DYTN: variants seen among roughly 807,000 people sequenced by gnomAD.
DYTN encodes the protein dystrotelin.
Under a neutral mutation model 69.6 loss-of-function variants are expected in DYTN, and 75 were observed. The observed-to-expected ratio is 1.08, with a 90% CI of 0.89 to 1.31. DYTN has a LOEUF of 1.31. Among genes scored for constraint, DYTN ranks in the 50% most tolerant of loss-of-function variants. DYTN has a pLI of 0.00. For missense variants in DYTN, 726 were observed against 688.4 expected (o/e 1.05, Z -0.61); for synonymous variants, 252 against 249.1 (o/e 1.01, Z -0.11).
At chr2:206,675,151 A>G (rs1315514498) in intron 9 of DYTN, among the ~76,000 whole-genome samples, 33 of 78,264 alleles carry the variant, frequency 4.2e-4, no homozygotes, top group Admixed American at 8.4e-4. Context: ...GTGTGTATAT[A>G]TGTGTATATA....
At chr2:206,715,962 C>A (rs923531054) in intron 1 of DYTN, among the ~76,000 whole-genome samples, 2 of 152,100 alleles carry the variant, frequency 1.3e-5, no homozygotes, top group Non-Finnish European at 2.9e-5. Flanking sequence ...GTGGTGCGTG[C>A]CTGTAATCTC....
intron 9 of DYTN, among the ~76,000 whole-genome samples, chr2:206,677,594 G>C (rs11900199): frequency 0.29 from 44,277 of 152,072 alleles, 6,521 homozygotes; most frequent in Middle Eastern, 0.3. Flanking sequence ...ATAATCAAAT[G>C]ATGTTAAAAC....
At chr2:206,683,176 C>T (rs960038878) in intron 9 of DYTN, among the ~76,000 whole-genome samples, 41 of 152,096 alleles carry the variant, frequency 2.7e-4, no homozygotes, top group African/African-American at 9.6e-4. Context: ...TAACTCTTGG[C>T]TCTCTTTAGT....
chr2:206,656,573 C>T (rs1699450082), intron 11 of DYTN, among the ~76,000 whole-genome samples: 1 of 152,010 alleles, frequency 6.6e-6, no homozygotes, highest in South Asian at 2.1e-4. Context: ...TTCTAGTTTG[C>T]TGTCTTTTTA....
At chr2:206,659,333 G>A (rs185328473) in intron 11 of DYTN, among the ~76,000 whole-genome samples, 1 of 150,920 alleles carries the variant, frequency 6.6e-6, no homozygotes, top group South Asian at 2.1e-4. Context: ...CACCACGCCC[G>A]GCTAATTTTT....
chr2:206,691,229 A>G (rs962689738), intron 9 of DYTN, among the ~76,000 whole-genome samples: 1 of 152,164 alleles, frequency 6.6e-6, no homozygotes, highest in Admixed American at 6.5e-5. Flanking sequence ...CCTGGCCAAT[A>G]TGGTGAAACC....
At position 206,707,440 on chromosome 2, in the gene DYTN, C is replaced by A. The variant is rs201346934; in HGVS notation, c.158G>T (p.Arg53Leu). ...TTGCTGCACAGAAAGGGAGTGCTTG[C>A]GAGCTTCCCAGAAACTTGGACGCAG... is the stretch of plus-strand genomic sequence containing the variant. Reference protein sequence around the residue: ...VLLRPSFWEARKHSLSVQQLS... With the variant: ...VLLRPSFWEALKHSLSVQQLS... Residue 53 changes from arginine to leucine, a missense_variant, in exon 3 of 12, where the codon CGC (arginine) becomes CTC (leucine). Arg to Leu is a moderately radical substitution (Grantham distance 102). Coordinates refer to ENST00000452335, the MANE Select transcript of DYTN (RefSeq NM_001093730.1). 8 of 1,612,842 alleles carry A rather than the reference C, an allele frequency of 5.0e-6. No homozygotes were observed. Among genetic ancestry groups the A allele is most frequent in the Non-Finnish European group, 6.8e-6 (8 of 1,179,542 alleles).
At chr2:206,688,871 G>A (rs1407991680) in intron 9 of DYTN, among the ~76,000 whole-genome samples, 1 of 151,892 alleles carries the variant, frequency 6.6e-6, no homozygotes, top group African/African-American at 2.4e-5. Context: ...ATTTTTACAT[G>A]TATTTTGAAT....
At chr2:206,692,169 G>A (rs1699870361) in intron 9 of DYTN, among the ~76,000 whole-genome samples, 1 of 151,800 alleles carries the variant, frequency 6.6e-6, no homozygotes, top group African/African-American at 2.4e-5. Context: ...GGAGGCTGAG[G>A]TGGGAGAATC....
intron 9 of DYTN, among the ~76,000 whole-genome samples, chr2:206,690,491 G>C (rs989141459): frequency 6.6e-6 from 1 of 152,214 alleles, no homozygotes; most frequent in Non-Finnish European, 1.5e-5. Context: ...GTGGCACCAG[G>C]AGTGGACCAT....
At chr2:206,699,925 G>C (rs765749337) in intron 6 of DYTN, 35 bp from the exon 7 acceptor site, 1 of 1,594,008 alleles carries the variant, frequency 6.3e-7, no homozygotes, top group African/African-American at 1.3e-5. Context: ...TGTGTTTTTA[G>C]GCACGACTTG....
chr2:206,702,543 T>C (rs1282809607), intron 5 of DYTN, among the ~76,000 whole-genome samples: 1 of 152,244 alleles, frequency 6.6e-6, no homozygotes, highest in Non-Finnish European at 1.5e-5. Flanking sequence ...CTACTCCCTA[T>C]GTTATTTAGC....
chr2:206,693,633 G>T (rs1425993570), intron 8 of DYTN, among the ~76,000 whole-genome samples: 1 of 152,152 alleles, frequency 6.6e-6, no homozygotes, highest in Non-Finnish European at 1.5e-5. Context: ...CACATTTAGG[G>T]TTGTGGATGC....
chr2:206,713,509 T>C (rs1700098559), intron 1 of DYTN, among the ~76,000 whole-genome samples: 1 of 152,048 alleles, frequency 6.6e-6, no homozygotes, highest in Non-Finnish European at 1.5e-5. Context: ...AAAGGAAGCA[T>C]AAAAGGAGAT....
chr2:206,706,485 TA>T (rs1300547553), intron 3 of DYTN, among the ~76,000 whole-genome samples: 1 of 131,384 alleles, frequency 7.6e-6, no homozygotes, highest in Non-Finnish European at 1.6e-5. Context: ...TTTGGGCAGT[TA>T]AAAAAAATTA....
chr2:206,697,247 T>C (rs1699929416), intron 7 of DYTN, among the ~76,000 whole-genome samples: 1 of 152,178 alleles, frequency 6.6e-6, no homozygotes, highest in Admixed American at 6.5e-5. Context: ...GGTAATGAGA[T>C]TGGCCTGTTG....
intron 2 of DYTN, among the ~76,000 whole-genome samples, chr2:206,708,769 T>C (rs1018804198): frequency 2.0e-5 from 3 of 152,254 alleles, no homozygotes; most frequent in Non-Finnish European, 4.4e-5. Context: ...ATTTTCTGTT[T>C]TTAAATTTTT....
At chr2:206,707,183 A>G in intron 3 of DYTN, 119 bp downstream of exon 3, 6 of 1,266,854 alleles carry the variant, frequency 4.7e-6, no homozygotes, top group Non-Finnish European at 6.5e-6. Context: ...TGAAAAACAA[A>G]CAAAGAAGAC....
chr2:206,665,932 T>G lies in DYTN; in HGVS notation c.1078A>C (p.Lys360Gln). 6.2e-7 allele frequency: 1 copy of G among 1,613,998 alleles called. No homozygotes were observed. Among genetic ancestry groups the G allele is most frequent in the Middle Eastern group, 1.7e-4 (1 of 6,060 alleles). Reference sequence around the variant, plus strand: ...AGACTATCCTGGTTGGTTTTGAGTTTGTGAATCCTTGTTTCAAATCGACAA... The same window carrying G: ...AGACTATCCTGGTTGGTTTTGAGTTGGTGAATCCTTGTTTCAAATCGACAA... ...RICRFETRIHKLKTNQDSLWT... is the reference protein window; with the variant it reads ...RICRFETRIHQLKTNQDSLWT... Residue 360 changes from lysine (K) to glutamine (Q), a missense_variant, in exon 10 of 12, where the codon AAA becomes CAA. Coordinates refer to ENST00000452335, the MANE Select transcript of DYTN (RefSeq NM_001093730.1).
Sources: allele counts gnomAD v4.1 joint callset (sites outside exome capture counted in the v4.1 genomes callset), GRCh38; gene constraint gnomAD v4.1.1; transcripts MANE v1.5; gene names NCBI Gene and HGNC (gene_info 2026-07-23, HGNC 2026-07-21).